TNIP3: variants seen among roughly 807,000 people sequenced by gnomAD.
The protein encoded by TNIP3 is TNFAIP3-interacting protein 3.
TNIP3 carries 34 observed loss-of-function variants against 54.1 expected under a neutral mutation model. That is an observed-to-expected ratio of 0.63 (90% CI 0.48 to 0.84). The LOEUF (loss-of-function observed/expected upper bound fraction) is 0.84. TNIP3 is among the 40% of genes least tolerant of loss of function. The pLI is 0.00. For missense variants in TNIP3, 366 were observed against 387.6 expected (o/e 0.94, Z 0.47); for synonymous variants, 134 against 136.8 (o/e 0.98, Z 0.14).
At chr4:121,161,753 T>C (rs1354213925) in intron 1 of TNIP3, among the ~76,000 whole-genome samples, 1 of 152,226 alleles carries the variant, frequency 6.6e-6, no homozygotes, top group Non-Finnish European at 1.5e-5. Flanking sequence ...TGTGTAATTT[T>C]AGCCAGCTCT....
chr4:121,178,771 A>C (rs1724511712), intron 3 of TNIP3, among the ~76,000 whole-genome samples: 1 of 152,212 alleles, frequency 6.6e-6, no homozygotes, highest in Non-Finnish European at 1.5e-5. Flanking sequence ...ACCATGTCTC[A>C]TGAAACCAAA....
chr4:121,150,005 G>C, intron 6 of TNIP3, 98 bp downstream of exon 6: 1 of 722,970 alleles, frequency 1.4e-6, no homozygotes, highest in South Asian at 1.8e-5. Flanking sequence ...AAAAACCTTT[G>C]ACATATTTCT....
chr4:121,168,925 T>A (rs948664910), upstream of TNIP3, among the ~76,000 whole-genome samples: 3 of 152,182 alleles, frequency 2.0e-5, no homozygotes, highest in African/African-American at 7.2e-5. Context: ...ACTTGCTAGT[T>A]ATGTGACCTT....
upstream of TNIP3, among the ~76,000 whole-genome samples, chr4:121,217,512 C>T (rs1365398188): frequency 6.6e-6 from 1 of 152,054 alleles, no homozygotes; most frequent in Non-Finnish European, 1.5e-5. Flanking sequence ...CATCTGTTAC[C>T]ACCATGGTAG....
At chr4:121,162,720 C>G (rs1160371348) in intron 1 of TNIP3, among the ~76,000 whole-genome samples, 2 of 152,340 alleles carry the variant, frequency 1.3e-5, no homozygotes, top group East Asian at 3.9e-4. Flanking sequence ...GCTTGCTAAA[C>G]ATAGAGCATC....
intron 2 of TNIP3, among the ~76,000 whole-genome samples, chr4:121,190,171 T>C (rs760915937): frequency 4.6e-5 from 7 of 152,154 alleles, no homozygotes; most frequent in Non-Finnish European, 7.4e-5. Context: ...TAAAACAGAA[T>C]ATAGAGCTTT....
At chr4:121,214,190 C>G (rs1043438551) in intron 2 of TNIP3, among the ~76,000 whole-genome samples, 1 of 152,144 alleles carries the variant, frequency 6.6e-6, no homozygotes, top group African/African-American at 2.4e-5. Context: ...TTCCCTCAGA[C>G]AAAGACATGG....
intron 2 of TNIP3, among the ~76,000 whole-genome samples, chr4:121,206,014 G>T (rs1299625202): frequency 6.6e-6 from 1 of 152,112 alleles, no homozygotes; most frequent in East Asian, 1.9e-4. Context: ...AAAATCATCA[G>T]ATCTCTTGAG....
At chr4:121,165,004 A>G (rs1380340931), upstream of TNIP3, among the ~76,000 whole-genome samples, 3 of 152,004 alleles carry the variant, frequency 2.0e-5, no homozygotes, top group Admixed American at 2.0e-4. Context: ...AGATACTTGG[A>G]GCTGCATAAG....
intron 10 of TNIP3, among the ~76,000 whole-genome samples, chr4:121,133,625 G>A (rs934641054): frequency 2.4e-4 from 36 of 152,266 alleles, no homozygotes; most frequent in African/African-American, 8.7e-4. Flanking sequence ...AAGATCAATA[G>A]CCTGATATTT....
chr4:121,183,622 T>G (rs1396762719), intron 2 of TNIP3, among the ~76,000 whole-genome samples: 2 of 152,210 alleles, frequency 1.3e-5, no homozygotes, highest in African/African-American at 4.8e-5. Flanking sequence ...ATGGCTCACA[T>G]TACTCCCTGA....
At chr4:121,151,164 G>A (rs577570981) in intron 5 of TNIP3, among the ~76,000 whole-genome samples, 1 of 152,212 alleles carries the variant, frequency 6.6e-6, no homozygotes, top group South Asian at 2.1e-4. Flanking sequence ...TGGCCTCAGA[G>A]ACCATAAAAT....
chr4:121,143,588 T>C (rs2148799140), intron 7 of TNIP3, among the ~76,000 whole-genome samples: 1 of 152,346 alleles, frequency 6.6e-6, no homozygotes, highest in Admixed American at 6.5e-5. Context: ...TTGCTGCTTG[T>C]GGTGGTCATA....
chr4:121,188,098 G>A (rs189481414), intron 2 of TNIP3, among the ~76,000 whole-genome samples: 67 of 152,278 alleles, frequency 4.4e-4, no homozygotes, highest in Non-Finnish European at 7.4e-4. Context: ...AGTTTGAGGT[G>A]AGAGTAACAG....
chr4:121,165,550 A>T (rs1346439338), upstream of TNIP3, among the ~76,000 whole-genome samples: 1 of 152,166 alleles, frequency 6.6e-6, no homozygotes, highest in Non-Finnish European at 1.5e-5. Flanking sequence ...CCACGCACCC[A>T]GGCACTGAGC....
intron 9 of TNIP3, 33 bp downstream of exon 9, chr4:121,141,783 A>G (rs1729131954): frequency 7.1e-7 from 1 of 1,404,138 alleles, no homozygotes; most frequent in Admixed American, 2.3e-5. Context: ...AAAACAGTAT[A>G]CTAAGCACTT....
At chr4:121,166,788 G>A (rs1204703080), upstream of TNIP3, among the ~76,000 whole-genome samples, 1 of 151,044 alleles carries the variant, frequency 6.6e-6, no homozygotes, top group Non-Finnish European at 1.5e-5. Flanking sequence ...TTTACAATGG[G>A]AGCTGAAAAA....
At chr4:121,205,980 G>T in intron 2 of TNIP3, among the ~76,000 whole-genome samples, 1 of 152,074 alleles carries the variant, frequency 6.6e-6, no homozygotes, top group East Asian at 1.9e-4. Context: ...GAGAAGTGCC[G>T]AGTAAAGGGG....
intron 2 of TNIP3, among the ~76,000 whole-genome samples, chr4:121,211,995 C>T (rs1726500237): frequency 6.6e-6 from 1 of 152,172 alleles, no homozygotes; most frequent in African/African-American, 2.4e-5. Context: ...ATGCTGGTAC[C>T]AGTACTTCCC....
Sources: gnomAD v4.1 joint callset for allele counts (sites outside exome capture counted in the v4.1 genomes callset) on GRCh38, gnomAD v4.1.1 for gene constraint, MANE v1.5 for transcripts, NCBI Gene and HGNC (gene_info 2026-07-23, HGNC 2026-07-21) for gene names.